The following CARMIL1 variants were observed in gnomAD, a reference collection of about 807,000 sequenced individuals.
The protein encoded by CARMIL1 is capping protein regulator and myosin 1 linker 1.
Under a neutral mutation model 177.1 loss-of-function variants are expected in CARMIL1, and 90 were observed. The observed-to-expected ratio is 0.51, with a 90% CI of 0.43 to 0.61. The LOEUF is 0.61. Among genes scored for constraint, CARMIL1 ranks in the 20% least tolerant of loss-of-function variants. The pLI, the probability that CARMIL1 is intolerant of heterozygous loss-of-function variation, is 0.00. For synonymous variants in CARMIL1, 577 were observed against 606.2 expected (o/e 0.95, Z 0.71); for missense variants, 1,380 against 1,667.0 (o/e 0.83, Z 3.00).
chr6:25,448,333 T>A (rs1052249205), intron 5 of CARMIL1, among the ~76,000 whole-genome samples: 2 of 152,132 alleles, frequency 1.3e-5, no homozygotes, highest in Non-Finnish European at 2.9e-5. Context: ...GCTCCCCAGA[T>A]TCTTCTGTTA....
intron 2 of CARMIL1, among the ~76,000 whole-genome samples, chr6:25,392,038 ATGTGTGTGTATATGCATG>A (rs1411327114): frequency 1.9e-5 from 2 of 106,732 alleles, no homozygotes; most frequent in Non-Finnish European, 4.2e-5. Flanking sequence ...GTGTGTATGC[ATGTGTGTGTATATGCATG>A]TGTGTGTGTG....
intron 29 of CARMIL1, among the ~76,000 whole-genome samples, chr6:25,574,889 C>T (rs1428528018): frequency 2.0e-5 from 3 of 152,112 alleles, no homozygotes; most frequent in Non-Finnish European, 4.4e-5. Context: ...AATGGCCCCC[C>T]TCCTTAATAC....
In CARMIL1 at chr6:25,606,141, G is replaced by T. The variant is rs1174786412; in HGVS notation, c.3715G>T (p.Ala1239Ser). 2 of 1,613,938 alleles carry T rather than the reference G, an allele frequency of 1.2e-6. No individual in the cohort carries two copies. Among genetic ancestry groups the T allele is most frequent in the South Asian group, 2.2e-5 (2 of 91,052 alleles). Residue 1239 changes from alanine to serine, a missense_variant, in exon 35 of 37, where the codon GCG (alanine) becomes TCG (serine). Physicochemically the swap from Ala to Ser is moderately conservative, Grantham distance 99 (BLOSUM62 1). Coordinates refer to ENST00000329474, the MANE Select transcript of CARMIL1 (RefSeq NM_017640.6). ...AAAGAATACCAAAGCAGAACCCAAA[G>T]CGGAAGCAGGCTCCAGGTCTCGGAG... Reference protein sequence around the residue: ...PEKNTKAEPKAEAGSRSRSSS... With the variant: ...PEKNTKAEPKSEAGSRSRSSS...
At chr6:25,320,160 CTCTG>C (rs988891864) in intron 2 of CARMIL1, among the ~76,000 whole-genome samples, 3 of 152,118 alleles carry the variant, frequency 2.0e-5, no homozygotes, top group Admixed American at 2.0e-4. Flanking sequence ...ATAGTATATT[CTCTG>C]TCTTCTTCCT....
rs560840865 is a variant in CARMIL1, at chr6:25,332,841, T to C, written c.138+47932T>C. Among the ~76,000 whole-genome samples the C allele has an allele frequency of 3.3e-5, 5 of 151,996 alleles. No homozygotes were observed. In the South Asian group the frequency reaches 1.0e-3, roughly 32 times the overall value. ...CCACAGCAACCATGTGATTCTACTA[T>C]GGTTTCAGCTTCTTCAGCCACAAAA... is the stretch of plus-strand genomic sequence containing the variant. On this transcript the variant is annotated intron_variant, in intron 2 of 36. Transcript: ENST00000329474.
chr6:25,465,071 C>CAAAAAAAAAAAAAAA (rs558022196), intron 8 of CARMIL1, among the ~76,000 whole-genome samples: 2 of 62,012 alleles, frequency 3.2e-5, no homozygotes, highest in African/African-American at 1.1e-4. Flanking sequence ...AGAACTAAAG[C>CAAAAAAAAAAAAAAA]AAAAAAAAAA....
chr6:25,508,765 T>G (rs1477530047), intron 17 of CARMIL1, among the ~76,000 whole-genome samples: 1 of 129,636 alleles, frequency 7.7e-6, no homozygotes, highest in East Asian at 2.0e-4. Context: ...AATGATAGTT[T>G]GTTTTTCCTC....
chr6:25,553,907 A>G, intron 27 of CARMIL1, 102 bp from the exon 28 acceptor site: 1 of 731,074 alleles, frequency 1.4e-6, no homozygotes, highest in Non-Finnish European at 2.4e-6. Flanking sequence ...CAAAGACAGA[A>G]ATGGAATCAC....
At chr6:25,459,266 C>CTTTCTTTCTTTCTTTCTTTTTTTT in intron 8 of CARMIL1, among the ~76,000 whole-genome samples, 1 of 73,748 alleles carries the variant, frequency 1.4e-5, no homozygotes. Context: ...TTCTTTCTTT[C>CTTTCTTTCTTTCTTTCTTTTTTTT]TTTTTTTTTT....
At chr6:25,521,685 C>T (rs943974317) in intron 23 of CARMIL1, among the ~76,000 whole-genome samples, 3 of 149,954 alleles carry the variant, frequency 2.0e-5, no homozygotes, top group African/African-American at 7.4e-5. Flanking sequence ...AGGAGAATGG[C>T]GTGAACCCGG....
intron 9 of CARMIL1, among the ~76,000 whole-genome samples, chr6:25,467,589 G>T (rs1189445458): frequency 2.0e-5 from 3 of 152,074 alleles, no homozygotes; most frequent in Non-Finnish European, 4.4e-5. Flanking sequence ...TTCCTCCCAG[G>T]TATCATCTCC....
chr6:25,474,883 G>C (rs1446439840), intron 11 of CARMIL1, among the ~76,000 whole-genome samples: 1 of 152,178 alleles, frequency 6.6e-6, no homozygotes, highest in Admixed American at 6.5e-5. Context: ...TTTGAGGAAG[G>C]TTCTTAAGCA....
chr6:25,390,708 T>A lies in CARMIL1; in HGVS notation c.139-29406T>A, dbSNP rs532395785. ...GGCTTTTAAAAAATTTTTATTTTTTTTGCGACAGTCTCGCTCTGTCAGCCC... is the reference window on the plus strand; with the variant it reads ...GGCTTTTAAAAAATTTTTATTTTTTATGCGACAGTCTCGCTCTGTCAGCCC... On this transcript the variant is annotated intron_variant, in intron 2 of 36. Transcript: ENST00000329474. Among the ~76,000 whole-genome samples, 7 of 152,312 alleles carry A rather than the reference T, an allele frequency of 4.6e-5. No homozygotes were observed. The East Asian group carries it at 1.4e-3, about 29-fold the overall frequency.
At chr6:25,364,114 A>T (rs1202977748) in intron 2 of CARMIL1, among the ~76,000 whole-genome samples, 1 of 151,730 alleles carries the variant, frequency 6.6e-6, no homozygotes, top group East Asian at 1.9e-4. Context: ...CCCATAATTT[A>T]AAAAAAAATG....
intron 2 of CARMIL1, among the ~76,000 whole-genome samples, chr6:25,341,494 C>T (rs776130145): frequency 1.3e-5 from 2 of 152,120 alleles, no homozygotes; most frequent in African/African-American, 4.8e-5. Context: ...GAGGCTGAGG[C>T]GGGTGGATCA....
At position 25,461,815 on chromosome 6, in the gene CARMIL1, C is replaced by A. The variant is rs150044035; in HGVS notation, c.615-4058C>A. On this transcript the variant is annotated intron_variant, in intron 8 of 36. Coordinates refer to ENST00000329474, the MANE Select transcript of CARMIL1 (RefSeq NM_017640.6). ...TGGCTCCATTTGAGAGTTCCAGTTG[C>A]TCTGGGTCCTTATTAGCAATTGGTA... is the stretch of plus-strand genomic sequence containing the variant. 5.3e-4 allele frequency among the ~76,000 whole-genome samples: 81 copies of A among 152,218 alleles called. 2 individuals are homozygous for A. In the East Asian group the frequency reaches 0.015, roughly 29 times the overall value.
At chr6:25,434,627 G>A (rs906218441) in intron 4 of CARMIL1, among the ~76,000 whole-genome samples, 9 of 148,186 alleles carry the variant, frequency 6.1e-5, no homozygotes, top group African/African-American at 1.7e-4. Context: ...GGGTTCAAGC[G>A]AATCTCGTGC....
At chr6:25,431,777 C>T (rs1562127362) in intron 4 of CARMIL1, among the ~76,000 whole-genome samples, 1 of 152,082 alleles carries the variant, frequency 6.6e-6, no homozygotes, top group Non-Finnish European at 1.5e-5. Flanking sequence ...GCGTACCATT[C>T]AGAGGAACTG....
intron 2 of CARMIL1, among the ~76,000 whole-genome samples, chr6:25,357,110 G>A (rs1246202685): frequency 1.4e-5 from 2 of 145,454 alleles, no homozygotes; most frequent in Admixed American, 6.9e-5. Flanking sequence ...TGTAAGGTTT[G>A]AGGAAATTCT....
Sources: allele counts gnomAD v4.1 joint callset (sites outside exome capture counted in the v4.1 genomes callset), GRCh38; gene constraint gnomAD v4.1.1; transcripts MANE v1.5; gene names NCBI Gene and HGNC (gene_info 2026-07-23, HGNC 2026-07-21).